Variants in EFCAB5 observed in about 807,000 individuals in gnomAD.
EFCAB5 encodes EF-hand calcium binding domain 5, also known as EF-hand calcium-binding domain-containing protein 5.
Under a neutral mutation model 167.9 loss-of-function variants are expected in EFCAB5, and 131 were observed. The ratio of observed to expected loss-of-function variants is 0.78; its 90% confidence interval spans 0.68 to 0.90. EFCAB5 has a LOEUF of 0.90. Among genes scored for constraint, EFCAB5 ranks in the 40% least tolerant of loss-of-function variants. The pLI is 0.00. For synonymous variants in EFCAB5, 574 were observed against 602.8 expected (o/e 0.95, Z 0.70); for missense variants, 1,663 against 1,745.2 (o/e 0.95, Z 0.84).
intron 8 of EFCAB5, among the ~76,000 whole-genome samples, chr17:30,041,917 G>A (rs987755609): frequency 6.6e-6 from 1 of 152,070 alleles, no homozygotes; most frequent in Non-Finnish European, 1.5e-5. Context: ...AAATTCAGGT[G>A]TGTACTTTTT....
intron 7 of EFCAB5, among the ~76,000 whole-genome samples, chr17:30,002,525 C>G (rs2068683812): frequency 6.6e-6 from 1 of 152,196 alleles, no homozygotes; most frequent in African/African-American, 2.4e-5. Flanking sequence ...ATTAAAACAT[C>G]ATTGTCTGAA....
upstream of EFCAB5, among the ~76,000 whole-genome samples, chr17:29,941,126 C>T (rs920666261): frequency 6.6e-6 from 1 of 152,012 alleles, no homozygotes; most frequent in Admixed American, 6.6e-5. Context: ...TGTAACTGTC[C>T]TGGAGGCAGA....
chr17:29,988,633 C>A (rs1246545734), intron 4 of EFCAB5, among the ~76,000 whole-genome samples: 3 of 152,190 alleles, frequency 2.0e-5, no homozygotes, highest in Non-Finnish European at 4.4e-5. Context: ...AGAATACTCA[C>A]AAAGTCAGTT....
At position 30,078,434 on chromosome 17, in the gene EFCAB5, A is replaced by G. The variant is rs535177094; in HGVS notation, c.2957A>G (p.Gln986Arg). The G allele has an allele frequency of 6.2e-7, 1 of 1,613,958 alleles. No individual in the cohort carries two copies. The highest frequency in any genetic ancestry group is 1.1e-5 in the South Asian group (1 of 91,076). Residue 986 changes from glutamine (Q) to arginine (R), a missense_variant, in exon 15 of 23, where the codon CAA (glutamine) becomes CGA (arginine). Transcript: ENST00000394835. ...AGGCGGAAATGGCTGCACCAAATCC[A>G]ATGTGCTGCAGAGACAAGTGGGGTG... ...SARRKWLHQI[Q>R]CAAETSGVSL...
In EFCAB5 at chr17:30,034,327, A is replaced by G. The variant is rs1464777357; in HGVS notation, c.1142A>G (p.Lys381Arg). 32 of 1,613,446 alleles carry G rather than the reference A, an allele frequency of 2.0e-5. No individual in the cohort carries two copies. In the Admixed American group the frequency reaches 4.2e-4, roughly 21 times the overall value. The change falls in exon 8 of 23, where the codon AAA (lysine) becomes AGA (arginine). Residue 381 changes from lysine to arginine, a missense_variant. Coordinates refer to ENST00000394835, the MANE Select transcript of EFCAB5 (RefSeq NM_198529.4). ...HSADEFREVI[K>R]ADMRRQMFAE... Reference sequence around the variant, plus strand: ...GCAGATGAATTTCGGGAGGTCATAAAAGCTGACATGCGGAGGCAGATGTTC... The same window carrying G: ...GCAGATGAATTTCGGGAGGTCATAAGAGCTGACATGCGGAGGCAGATGTTC...
At chr17:30,045,493 T>G (rs1405349714) in intron 8 of EFCAB5, among the ~76,000 whole-genome samples, 1 of 150,626 alleles carries the variant, frequency 6.6e-6, no homozygotes, top group African/African-American at 2.4e-5. Context: ...ATAAGGGAGC[T>G]TCTGGGGATA....
chr17:30,050,155 A>G (rs1453525666), intron 8 of EFCAB5, among the ~76,000 whole-genome samples: 1 of 148,336 alleles, frequency 6.7e-6, no homozygotes, highest in Non-Finnish European at 1.5e-5. Context: ...TTTTTTTTAG[A>G]TGGAATTTTG....
At chr17:30,094,507 CAAAAAAAAAAAAAAA>C (rs57885339) in intron 22 of EFCAB5, among the ~76,000 whole-genome samples, 6 of 40,706 alleles carry the variant, frequency 1.5e-4, no homozygotes, top group African/African-American at 2.6e-4. Context: ...CTTGTCTCTC[CAAAAAAAAAAAAAAA>C]AAAAAAAAAA....
rs763951873 is a variant in EFCAB5 at position 30,034,289 on chromosome 17, C to A, written c.1104C>A (p.His368Gln). ...KSEMFEELLKHLCHSADEFRE... is the reference protein window; with the variant it reads ...KSEMFEELLKQLCHSADEFRE... ...AAATGTTTGAGGAACTTCTTAAGCA[C>A]CTTTGCCACTCTGCAGATGAATTTC... Residue 368 changes from histidine to glutamine, a missense_variant, in exon 8 of 23, where the codon CAC becomes CAA. By Grantham distance (24) the His-to-Gln change is conservative. Transcript: ENST00000394835. The A allele has an allele frequency of 8.1e-6, 13 of 1,613,876 alleles. No homozygotes were observed. The highest frequency in any genetic ancestry group is 1.1e-5 in the South Asian group (1 of 91,086).
intron 7 of EFCAB5, among the ~76,000 whole-genome samples, chr17:30,026,896 A>C (rs559666320): frequency 6.8e-6 from 1 of 147,254 alleles, no homozygotes; most frequent in African/African-American, 2.5e-5. Context: ...TTCACAAGAA[A>C]ATTTCATCTT....
At chr17:29,964,584 C>T (rs143526072) in intron 3 of EFCAB5, among the ~76,000 whole-genome samples, 97 of 152,214 alleles carry the variant, frequency 6.4e-4, no homozygotes, top group African/African-American at 1.7e-3. Flanking sequence ...TGAGCCACCG[C>T]GCCCAGCTTA....
intron 22 of EFCAB5, among the ~76,000 whole-genome samples, chr17:30,100,163 T>A (rs559968623): frequency 2.0e-5 from 3 of 152,256 alleles, no homozygotes; most frequent in African/African-American, 4.8e-5. Flanking sequence ...CTGCTTTATA[T>A]TTTTCAAATT....
chr17:30,034,132 A>G, intron 7 of EFCAB5, 98 bp from the exon 8 acceptor site: 1 of 1,374,368 alleles, frequency 7.3e-7, no homozygotes, highest in Non-Finnish European at 9.8e-7. Context: ...AACATTTTAC[A>G]GCCAATGTAT....
chr17:30,055,322 G>GGAAGGA (rs1235857132), intron 10 of EFCAB5, among the ~76,000 whole-genome samples: 4 of 106,734 alleles, frequency 3.7e-5, no homozygotes, highest in African/African-American at 1.5e-4. Context: ...GAGAGAGAGA[G>GGAAGGA]AGGAAGGAAG....
At chr17:29,980,062 A>T (rs1001178525) in intron 4 of EFCAB5, among the ~76,000 whole-genome samples, 15 of 152,044 alleles carry the variant, frequency 9.9e-5, no homozygotes, top group African/African-American at 3.6e-4. Flanking sequence ...CCAACTACTC[A>T]GGAGGCTGAG....
intron 7 of EFCAB5, among the ~76,000 whole-genome samples, chr17:30,025,493 G>A (rs951856163): frequency 3.3e-5 from 5 of 152,102 alleles, no homozygotes; most frequent in Admixed American, 6.6e-5. Context: ...CAGTTAGAAT[G>A]GCAATCATTA....
chr17:29,959,816 C>T (rs571084508), intron 3 of EFCAB5, among the ~76,000 whole-genome samples: 1 of 152,272 alleles, frequency 6.6e-6, no homozygotes, highest in East Asian at 1.9e-4. Context: ...GACACAACCA[C>T]TCCCTTGGCT....
intron 4 of EFCAB5, 98 bp from the exon 5 acceptor site, chr17:29,993,067 G>A: frequency 8.0e-7 from 1 of 1,244,590 alleles, no homozygotes; most frequent in Non-Finnish European, 1.1e-6. Flanking sequence ...AGAAAAGACA[G>A]GCAAACATTT....
intron 7 of EFCAB5, among the ~76,000 whole-genome samples, chr17:30,031,044 T>C (rs1024253944): frequency 6.6e-6 from 1 of 152,278 alleles, no homozygotes; most frequent in South Asian, 2.1e-4. Context: ...CATTAGAGGA[T>C]TGAGCTACAT....
Sources: allele counts gnomAD v4.1 joint callset (sites outside exome capture counted in the v4.1 genomes callset), GRCh38; gene constraint gnomAD v4.1.1; transcripts MANE v1.5; gene names NCBI Gene and HGNC (gene_info 2026-07-23, HGNC 2026-07-21).